BAZ2B: variants seen among roughly 807,000 people sequenced by gnomAD.
BAZ2B encodes the protein bromodomain adjacent to zinc finger domain 2B.
BAZ2B carries 91 observed loss-of-function variants against 246.0 expected under a neutral mutation model. That is an observed-to-expected ratio of 0.37 (90% CI 0.31 to 0.44). The LOEUF (loss-of-function observed/expected upper bound fraction) is 0.44. Ranked by LOEUF, BAZ2B falls within the 20% of genes least tolerant of loss-of-function variation. The probability of loss-of-function intolerance (pLI) is 1.00; values close to 1 mark genes in which losing one functional copy is unlikely to be tolerated. For missense variants in BAZ2B, 2,332 were observed against 2,533.7 expected (o/e 0.92, Z 1.71); for synonymous variants, 855 against 860.0 (o/e 0.99, Z 0.10).
Position 159,433,314 on chromosome 2 carries a change from G to T in BAZ2B, c.1343C>A (p.Ser448Ter). The part of the protein sequence containing the change: ...FPSQLKKQES[S>*]KSLKKVIAAL... Reference sequence around the variant, plus strand: ...TGCAATAACCTTCTTCAGGCTCTTCGATGACTCTTGTTTCTTTAACTGTGA... The same window carrying T: ...TGCAATAACCTTCTTCAGGCTCTTCTATGACTCTTGTTTCTTTAACTGTGA... Residue 448 changes from serine to a stop codon, truncating the protein, a stop_gained, in exon 9 of 37, where the codon TCG becomes TAG. Coordinates refer to ENST00000392783, the MANE Select transcript of BAZ2B (RefSeq NM_013450.4). LOFTEE classifies it high-confidence loss of function. The T allele has an allele frequency of 6.2e-7, 1 of 1,613,926 alleles. No homozygotes were observed. Among genetic ancestry groups the T allele is most frequent in the Non-Finnish European group, 8.5e-7 (1 of 1,179,984 alleles).
chr2:159,575,793 C>T (rs1685152539), intron 1 of BAZ2B, among the ~76,000 whole-genome samples: 1 of 152,056 alleles, frequency 6.6e-6, no homozygotes, highest in Non-Finnish European at 1.5e-5. Flanking sequence ...CTAGTATGTA[C>T]TCAAGAATAT....
chr2:159,356,448 T>G (rs966726715), intron 27 of BAZ2B, among the ~76,000 whole-genome samples: 1 of 152,184 alleles, frequency 6.6e-6, no homozygotes, highest in South Asian at 2.1e-4. Context: ...AGATTTCTCC[T>G]CTCTGGACAG....
the BAZ2B span, among the ~76,000 whole-genome samples, chr2:159,663,687 T>G: frequency 6.6e-6 from 1 of 151,606 alleles, no homozygotes; most frequent in African/African-American, 2.4e-5. Context: ...GTCGGCTAAT[T>G]TTTGTATTTT....
the BAZ2B span, among the ~76,000 whole-genome samples, chr2:159,679,113 A>G: frequency 1.3e-5 from 2 of 151,988 alleles, no homozygotes; most frequent in Non-Finnish European, 2.9e-5. Flanking sequence ...TCTGCTAAAA[A>G]TACAAAAAAT....
intron 34 of BAZ2B, 56 bp downstream of exon 34, chr2:159,332,484 A>G (rs187571702): frequency 2.0e-6 from 3 of 1,518,202 alleles, no homozygotes; most frequent in African/African-American, 2.8e-5. Flanking sequence ...CCATGTATTA[A>G]AAAAATAATA....
intron 13 of BAZ2B, among the ~76,000 whole-genome samples, chr2:159,426,622 C>T (rs2069953158): frequency 1.3e-5 from 2 of 152,026 alleles, no homozygotes; most frequent in African/African-American, 2.4e-5. Flanking sequence ...CATTTTAGAA[C>T]TACCAATAAA....
rs373844427 is a variant in BAZ2B at position 159,342,876 on chromosome 2, T to C, written c.5454+4610A>G. Among the ~76,000 whole-genome samples the C allele has an allele frequency of 2.6e-5, 4 of 152,084 alleles. No individual in the cohort carries two copies. In the East Asian group the frequency reaches 7.7e-4, roughly 29 times the overall value. On this transcript the variant is annotated intron_variant, in intron 31 of 36. Transcript: ENST00000392783. ...ATCTACAGATTCAACACAATCCCTA[T>C]CAAAACACTAATGATATTCTTCACA...
intron 16 of BAZ2B, among the ~76,000 whole-genome samples, chr2:159,402,984 A>G (rs1197119629): frequency 1.3e-5 from 2 of 152,188 alleles, no homozygotes; most frequent in East Asian, 1.9e-4. Flanking sequence ...TATTTTGTCT[A>G]AAGTCCAATA....
intron 1 of BAZ2B, among the ~76,000 whole-genome samples, chr2:159,559,447 TTA>T (rs1363383134): frequency 7.9e-5 from 12 of 152,348 alleles, no homozygotes; most frequent in Admixed American, 7.2e-4. Context: ...AAAACAGGTA[TTA>T]AAACTATTGT....
intron 2 of BAZ2B, among the ~76,000 whole-genome samples, chr2:159,496,426 C>T (rs115389575): frequency 0.074 from 9,579 of 129,814 alleles, 801 homozygotes; most frequent in Admixed American, 0.26. Flanking sequence ...ATGGCTTGAA[C>T]GTGGGAGGGC....
At chr2:159,537,422 A>G (rs1012830324) in intron 2 of BAZ2B, among the ~76,000 whole-genome samples, 1 of 152,242 alleles carries the variant, frequency 6.6e-6, no homozygotes, top group African/African-American at 2.4e-5. Flanking sequence ...GGGATAAATG[A>G]GGCACTGTTA....
At chr2:159,550,521 T>C (rs191976525) in intron 2 of BAZ2B, among the ~76,000 whole-genome samples, 36 of 152,242 alleles carry the variant, frequency 2.4e-4, no homozygotes, top group Admixed American at 7.2e-4. Flanking sequence ...CAGATTACTA[T>C]ACCTAGCTGC....
chr2:159,445,487 T>C (rs2074100149), intron 6 of BAZ2B, among the ~76,000 whole-genome samples: 1 of 152,192 alleles, frequency 6.6e-6, no homozygotes, highest in Admixed American at 6.5e-5. Flanking sequence ...AGGATGTGGC[T>C]ATTGCCCACT....
chr2:159,385,004 G>C (rs1023072487), intron 23 of BAZ2B, 151 bp downstream of exon 23: 1 of 748,732 alleles, frequency 1.3e-6, no homozygotes. Context: ...ATTATTAGTG[G>C]CCATCTCTAA....
At chr2:159,602,348 T>A (rs1400669882) in intron 1 of BAZ2B, among the ~76,000 whole-genome samples, 1 of 152,196 alleles carries the variant, frequency 6.6e-6, no homozygotes, top group Non-Finnish European at 1.5e-5. Context: ...TAGAGCTTGC[T>A]CATAGTGGCT....
At chr2:159,447,045 A>G in intron 5 of BAZ2B, 70 bp from the exon 6 acceptor site, 1 of 1,135,314 alleles carries the variant, frequency 8.8e-7, no homozygotes, top group Non-Finnish European at 1.2e-6. Context: ...AAGTACAGAT[A>G]TATGTACAGT....
chr2:159,356,667 G>A (rs184218445), intron 27 of BAZ2B, among the ~76,000 whole-genome samples: 2 of 152,260 alleles, frequency 1.3e-5, no homozygotes, highest in Admixed American at 6.5e-5. Flanking sequence ...CCTGACCCCC[G>A]TGCCTCCTGA....
chr2:159,323,541 G>C (rs1052727533), intron 36 of BAZ2B, among the ~76,000 whole-genome samples: 1 of 151,674 alleles, frequency 6.6e-6, no homozygotes. Context: ...GGTGGTTCAC[G>C]CCTGTAATCC....
intron 1 of BAZ2B, among the ~76,000 whole-genome samples, chr2:159,570,390 C>T (rs1683704040): frequency 1.3e-5 from 2 of 152,048 alleles, no homozygotes; most frequent in African/African-American, 4.8e-5. Flanking sequence ...TCACTGTTGG[C>T]CAGGCTGGTC....
Sources: gnomAD v4.1 joint callset for allele counts (sites outside exome capture counted in the v4.1 genomes callset) on GRCh38, gnomAD v4.1.1 for gene constraint, MANE v1.5 for transcripts, NCBI Gene and HGNC (gene_info 2026-07-23, HGNC 2026-07-21) for gene names.